The following HTR2C variants were observed in gnomAD, a reference collection of about 807,000 sequenced individuals.
HTR2C encodes the protein 5-hydroxytryptamine receptor 2C.
HTR2C carries 5 observed loss-of-function variants against 21.0 expected under a neutral mutation model. That is an observed-to-expected ratio of 0.24 (90% CI 0.12 to 0.50). HTR2C has a LOEUF of 0.50. HTR2C is among the 20% of genes least tolerant of loss of function. HTR2C has a pLI of 0.98. For synonymous variants in HTR2C, 150 were observed against 145.3 expected (o/e 1.03, Z -0.23); for missense variants, 271 against 371.2 (o/e 0.73, Z 2.22).
intron 4 of HTR2C, among the ~76,000 whole-genome samples, chrX:114,734,695 T>C (rs2069573690): frequency 9.1e-6 from 1 of 109,773 alleles, no homozygotes; most frequent in Non-Finnish European, 1.9e-5. Flanking sequence ...ATCAATAGTT[T>C]CAATGGCTGA....
intron 2 of HTR2C, among the ~76,000 whole-genome samples, chrX:114,639,099 T>A (rs1051174576): frequency 1.8e-5 from 2 of 111,968 alleles, no homozygotes; most frequent in Non-Finnish European, 3.8e-5. Flanking sequence ...AGCAGTTTCA[T>A]AAATGAATAT....
At chrX:114,606,529 C>T (rs1202236682) in intron 1 of HTR2C, among the ~76,000 whole-genome samples, 2 of 111,148 alleles carry the variant, frequency 1.8e-5, no homozygotes, top group African/African-American at 3.3e-5. Context: ...CTTTGTCTCT[C>T]CCAGAAAATG....
chrX:114,628,550 C>T (rs183619767), intron 2 of HTR2C, among the ~76,000 whole-genome samples: 170 of 109,036 alleles, frequency 1.6e-3, no homozygotes, highest in African/African-American at 5.5e-3. Context: ...TGAGCCACCG[C>T]GCCTGGCCAA....
intron 1 of HTR2C, among the ~76,000 whole-genome samples, chrX:114,591,617 G>A (rs782076773): frequency 4.8e-4 from 54 of 111,417 alleles, no homozygotes; most frequent in Non-Finnish European, 7.2e-4. Flanking sequence ...TAAATTTCAC[G>A]TAAGTAAATC....
At chrX:114,714,691 A>G (rs1932952080) in intron 2 of HTR2C, among the ~76,000 whole-genome samples, 1 of 112,373 alleles carries the variant, frequency 8.9e-6, no homozygotes, top group Admixed American at 9.5e-5. Flanking sequence ...AAAACAGCGT[A>G]GAATAATGTC....
At chrX:114,633,932 G>GTGTATATA (rs1556404801) in intron 2 of HTR2C, among the ~76,000 whole-genome samples, 13 of 89,426 alleles carry the variant, frequency 1.5e-4, no homozygotes, top group African/African-American at 5.4e-4. Context: ...ATATGCATGT[G>GTGTATATA]TATATATATA....
At chrX:114,779,859 G>A (rs782359678) in intron 4 of HTR2C, among the ~76,000 whole-genome samples, 6 of 109,255 alleles carry the variant, frequency 5.5e-5, no homozygotes. Context: ...CTAGGTTTTT[G>A]GAGGTAACAC....
intron 5 of HTR2C, among the ~76,000 whole-genome samples, chrX:114,872,583 C>T (rs1404598648): frequency 9.1e-6 from 1 of 110,404 alleles, no homozygotes; most frequent in African/African-American, 3.3e-5. Context: ...AATTGTGTTG[C>T]TTAATTCTCA....
At chrX:114,791,873 G>A (rs2070236337) in intron 4 of HTR2C, among the ~76,000 whole-genome samples, 1 of 111,201 alleles carries the variant, frequency 9.0e-6, no homozygotes, top group Non-Finnish European at 1.9e-5. Context: ...TTACTAGTCC[G>A]TATTTCCCAT....
intron 4 of HTR2C, among the ~76,000 whole-genome samples, chrX:114,750,990 A>G (rs1217838990): frequency 8.9e-6 from 1 of 111,910 alleles, no homozygotes; most frequent in Non-Finnish European, 1.9e-5. Context: ...CTTCACAGAG[A>G]TGGTGAGACT....
At chrX:114,749,943 A>G (rs1432091738) in intron 4 of HTR2C, among the ~76,000 whole-genome samples, 1 of 111,922 alleles carries the variant, frequency 8.9e-6, no homozygotes, top group African/African-American at 3.3e-5. Flanking sequence ...AGCTCATTCA[A>G]TTCCTATACA....
At chrX:114,659,102 G>A (rs1930890469) in intron 2 of HTR2C, among the ~76,000 whole-genome samples, 3 of 110,852 alleles carry the variant, frequency 2.7e-5, no homozygotes, top group Admixed American at 1.9e-4. Flanking sequence ...GAGAAGTGCA[G>A]AGCGAAAAGG....
chrX:114,600,229 T>C (rs918107691), intron 1 of HTR2C, among the ~76,000 whole-genome samples: 1 of 111,951 alleles, frequency 8.9e-6, no homozygotes, highest in African/African-American at 3.3e-5. Context: ...CAAACCCATA[T>C]CTGTCTAATT....
intron 2 of HTR2C, among the ~76,000 whole-genome samples, chrX:114,665,509 A>G (rs1189317492): frequency 8.9e-6 from 1 of 112,185 alleles, no homozygotes; most frequent in East Asian, 2.8e-4. Context: ...CAAAACCTTA[A>G]CTACTAATAG....
intron 2 of HTR2C, among the ~76,000 whole-genome samples, chrX:114,719,055 T>G (rs1372993118): frequency 2.9e-5 from 3 of 103,782 alleles, no homozygotes; most frequent in African/African-American, 1.0e-4. Flanking sequence ...AATAATATAA[T>G]TATAATTATA....
At chrX:114,852,274 T>G (rs1191519440) in intron 5 of HTR2C, among the ~76,000 whole-genome samples, 8 of 110,715 alleles carry the variant, frequency 7.2e-5, no homozygotes, top group African/African-American at 2.6e-4. Flanking sequence ...GTTGACTTTA[T>G]TTTTTAATAT....
At chrX:114,809,444 C>T (rs1556452004) in intron 4 of HTR2C, among the ~76,000 whole-genome samples, 4 of 104,329 alleles carry the variant, frequency 3.8e-5, no homozygotes, top group Admixed American at 1.1e-4. Context: ...AGTGCAGTGG[C>T]GCGATCTCGG....
chrX:114,892,705 C>T (rs1347740795), intron 5 of HTR2C, among the ~76,000 whole-genome samples: 4 of 108,805 alleles, frequency 3.7e-5, no homozygotes, highest in Non-Finnish European at 7.6e-5. Context: ...TATGAGAACC[C>T]TCTATACATA....
chrX:114,865,630 AG>A (rs1186910962), intron 5 of HTR2C, among the ~76,000 whole-genome samples: 1 of 111,037 alleles, frequency 9.0e-6, no homozygotes, highest in Non-Finnish European at 1.9e-5. Flanking sequence ...CCAGTGACTT[AG>A]GGTATTGAGC....
Sources: allele counts gnomAD v4.1 joint callset (sites outside exome capture counted in the v4.1 genomes callset), GRCh38; gene constraint gnomAD v4.1.1; transcripts MANE v1.5; gene names NCBI Gene and HGNC (gene_info 2026-07-23, HGNC 2026-07-21).